Variants in CEP112 observed in about 807,000 individuals in gnomAD.
CEP112 encodes centrosomal protein 112.
A neutral mutation model predicts 153.0 loss-of-function variants in CEP112; 127 were observed. That is an observed-to-expected ratio of 0.83 (90% confidence interval 0.72 to 0.96). The LOEUF is 0.96. Among genes scored for constraint, CEP112 ranks in the 40% least tolerant of loss-of-function variants. The pLI, the probability that CEP112 is intolerant of heterozygous loss-of-function variation, is 0.00. For missense variants in CEP112, 1,089 were observed against 1,101.2 expected (o/e 0.99, Z 0.16); for synonymous variants, 358 against 374.4 (o/e 0.96, Z 0.51).
chr17:66,030,085 A>T (rs1482869328), intron 12 of CEP112, 62 bp from the exon 13 acceptor site: 1 of 1,404,618 alleles, frequency 7.1e-7, no homozygotes, highest in Non-Finnish European at 9.8e-7. Context: ...TTGTATCTGT[A>T]AGAAGCTTGA....
chr17:66,141,820 T>C (rs1365849487), intron 4 of CEP112, among the ~76,000 whole-genome samples: 16 of 152,232 alleles, frequency 1.1e-4, no homozygotes, highest in Non-Finnish European at 2.4e-4. Context: ...TCCTGACTAT[T>C]GTGAATAATG....
chr17:65,694,227 C>T (rs1323520046), intron 23 of CEP112, among the ~76,000 whole-genome samples: 1 of 152,132 alleles, frequency 6.6e-6, no homozygotes, highest in Admixed American at 6.5e-5. Flanking sequence ...CACACTCAGA[C>T]AGGCAGAGGA....
intron 6 of CEP112, among the ~76,000 whole-genome samples, chr17:66,111,356 A>T (rs1050738030): frequency 3.3e-5 from 5 of 152,204 alleles, no homozygotes; most frequent in African/African-American, 1.2e-4. Flanking sequence ...CCATTACTGC[A>T]TATATACCCA....
intron 4 of CEP112, among the ~76,000 whole-genome samples, chr17:66,135,505 C>A (rs761725907): frequency 1.4e-4 from 21 of 152,094 alleles, no homozygotes; most frequent in Non-Finnish European, 2.6e-4. Context: ...ATAAGCACAA[C>A]CTACAATTGG....
rs755253136 is a variant in CEP112, at chr17:66,129,833, A to G, written c.565-10T>C. 6 of 1,553,506 alleles carry G rather than the reference A, an allele frequency of 3.9e-6. No individual in the cohort carries two copies. The highest frequency in any genetic ancestry group is 5.3e-6 in the Non-Finnish European group (6 of 1,126,782). Reference sequence around the variant, plus strand: ...TTTTCGAATAAACTTCCTGAAATACAAAAGGGAAAAAGGAAGAGGAGAGGA... The same window carrying G: ...TTTTCGAATAAACTTCCTGAAATACGAAAGGGAAAAAGGAAGAGGAGAGGA... On this transcript the variant is annotated splice_polypyrimidine_tract_variant and intron_variant, in intron 5 of 26. Transcript: ENST00000535342.
At chr17:65,789,121 C>CT (rs995466265) in intron 21 of CEP112, among the ~76,000 whole-genome samples, 16 of 152,312 alleles carry the variant, frequency 1.1e-4, no homozygotes, top group Non-Finnish European at 1.6e-4. Context: ...AGGCACTCAA[C>CT]TAACTGAACT....
chr17:65,766,677 G>A (rs1189403376), intron 21 of CEP112, among the ~76,000 whole-genome samples: 2 of 149,800 alleles, frequency 1.3e-5, no homozygotes, highest in African/African-American at 4.9e-5. Context: ...TGAAAGTGAA[G>A]GGATGGAAGA....
At chr17:66,153,443 T>C (rs1346814544) in intron 4 of CEP112, among the ~76,000 whole-genome samples, 2 of 143,812 alleles carry the variant, frequency 1.4e-5, no homozygotes, top group East Asian at 4.1e-4. Flanking sequence ...GACTACGTAT[T>C]ACCCATGAAA....
chr17:65,973,006 T>A (rs545087123), intron 17 of CEP112, among the ~76,000 whole-genome samples: 1 of 152,228 alleles, frequency 6.6e-6, no homozygotes, highest in Non-Finnish European at 1.5e-5. Flanking sequence ...CCTCAGGTGA[T>A]CTGCCCGCCT....
intron 23 of CEP112, among the ~76,000 whole-genome samples, chr17:65,708,520 C>G (rs920802834): frequency 6.6e-6 from 1 of 152,120 alleles, no homozygotes; most frequent in Non-Finnish European, 1.5e-5. Context: ...GAAACTGGCA[C>G]GTTGGCTCTG....
chr17:65,654,359 T>G (rs1222564490), intron 24 of CEP112, among the ~76,000 whole-genome samples: 1 of 152,202 alleles, frequency 6.6e-6, no homozygotes, highest in Non-Finnish European at 1.5e-5. Flanking sequence ...TCAATATCAT[T>G]TCCTCTTCAC....
chr17:65,927,462 G>A (rs1220984547), intron 19 of CEP112, 120 bp downstream of exon 19: 1 of 597,468 alleles, frequency 1.7e-6, no homozygotes, highest in East Asian at 3.2e-5. Context: ...TAAATATATT[G>A]GTAACAACAG....
chr17:65,794,736 C>A (rs1397386525), intron 21 of CEP112, among the ~76,000 whole-genome samples: 1 of 152,244 alleles, frequency 6.6e-6, no homozygotes, highest in Non-Finnish European at 1.5e-5. Flanking sequence ...CTCCTCAAGT[C>A]TCCCTTTCCT....
intron 8 of CEP112, among the ~76,000 whole-genome samples, chr17:66,072,645 C>T (rs2067346624): frequency 1.3e-5 from 2 of 152,196 alleles, no homozygotes; most frequent in Non-Finnish European, 2.9e-5. Flanking sequence ...GTCCCAATAT[C>T]TCCAATGTAC....
intron 18 of CEP112, among the ~76,000 whole-genome samples, chr17:65,937,593 A>G (rs1408467914): frequency 6.8e-5 from 7 of 102,960 alleles, no homozygotes; most frequent in Non-Finnish European, 7.9e-5. Context: ...CCACCCGGCC[A>G]GCCGCCCCGT....
intron 21 of CEP112, among the ~76,000 whole-genome samples, chr17:65,801,080 A>G (rs2098476): frequency 0.34 from 51,735 of 151,640 alleles, 10,132 homozygotes; most frequent in Middle Eastern, 0.48. Context: ...TGTCTTCTTC[A>G]TCTTCTTTTT....
At chr17:65,729,095 T>C (rs1397881904) in intron 23 of CEP112, among the ~76,000 whole-genome samples, 1 of 152,206 alleles carries the variant, frequency 6.6e-6, no homozygotes, top group Non-Finnish European at 1.5e-5. Context: ...ATTTGACAGA[T>C]AATAATTGTA....
chr17:65,805,564 T>C (rs1450174913), intron 21 of CEP112, among the ~76,000 whole-genome samples: 1 of 152,206 alleles, frequency 6.6e-6, no homozygotes, highest in Non-Finnish European at 1.5e-5. Flanking sequence ...GAGGAGTAAG[T>C]AGAGCGTGCT....
chr17:65,870,709 A>G (rs898985897), intron 20 of CEP112, among the ~76,000 whole-genome samples: 1 of 152,240 alleles, frequency 6.6e-6, no homozygotes, highest in Non-Finnish European at 1.5e-5. Flanking sequence ...ATCAGGGCTC[A>G]CAAACAGAAG....
Sources: allele counts gnomAD v4.1 joint callset (sites outside exome capture counted in the v4.1 genomes callset), GRCh38; gene constraint gnomAD v4.1.1; transcripts MANE v1.5; gene names NCBI Gene and HGNC (gene_info 2026-07-23, HGNC 2026-07-21).